COX7B2: variants seen among roughly 807,000 people sequenced by gnomAD.
COX7B2 encodes the protein cytochrome c oxidase subunit 7B2, also known as cytochrome c oxidase subunit 7B2, mitochondrial.
For missense variants in COX7B2, 109 were observed against 95.9 expected (o/e 1.14, Z -0.57); for synonymous variants, 37 against 32.1 (o/e 1.15, Z -0.51).
chr4:46,806,360 A>C (rs1030921431), intron 2 of COX7B2, among the ~76,000 whole-genome samples: 2 of 152,064 alleles, frequency 1.3e-5, no homozygotes, highest in Admixed American at 1.3e-4. Context: ...TAAAGTAAAA[A>C]AAAAACTTTT....
At chr4:46,795,445 A>C (rs1461570955) in intron 2 of COX7B2, among the ~76,000 whole-genome samples, 1 of 114,286 alleles carries the variant, frequency 8.7e-6, no homozygotes, top group African/African-American at 3.9e-5. Flanking sequence ...AGCACCATTT[A>C]TTAAATAGGG....
At chr4:46,886,772 G>A (rs1719108667) in intron 1 of COX7B2, among the ~76,000 whole-genome samples, 1 of 152,128 alleles carries the variant, frequency 6.6e-6, no homozygotes. Flanking sequence ...ACAGAAGTAA[G>A]CAGAATCTCA....
chr4:46,822,428 G>C (rs1714364427), intron 2 of COX7B2, among the ~76,000 whole-genome samples: 1 of 152,012 alleles, frequency 6.6e-6, no homozygotes, highest in South Asian at 2.1e-4. Context: ...GAGGGCTCTG[G>C]GGCACAGAGG....
At chr4:46,740,168 C>T (rs773999629) in intron 2 of COX7B2, among the ~76,000 whole-genome samples, 28 of 152,040 alleles carry the variant, frequency 1.8e-4, no homozygotes, top group Non-Finnish European at 2.8e-4. Context: ...AGAATGGATG[C>T]AGCTTTTATG....
intron 2 of COX7B2, among the ~76,000 whole-genome samples, chr4:46,817,854 C>T (rs1051789930): frequency 6.6e-6 from 1 of 152,176 alleles, no homozygotes; most frequent in African/African-American, 2.4e-5. Flanking sequence ...CTGAGACCCC[C>T]TTCAAGCATG....
chr4:46,823,784 AAAC>A (rs1207120110), intron 2 of COX7B2, among the ~76,000 whole-genome samples: 1 of 151,900 alleles, frequency 6.6e-6, no homozygotes, highest in Admixed American at 6.6e-5. Context: ...CTAAAGCAGA[AAAC>A]AACAGACAAA....
chr4:46,765,324 C>G (rs1577679269), intron 2 of COX7B2, among the ~76,000 whole-genome samples: 1 of 151,940 alleles, frequency 6.6e-6, no homozygotes, highest in East Asian at 1.9e-4. Flanking sequence ...CCATTGCAGG[C>G]GTAAGGAGAG....
In COX7B2 at chr4:46,845,913, A is replaced by G. The variant is rs149309377; in HGVS notation, c.-104-899T>C. 4.5e-3 allele frequency among the ~76,000 whole-genome samples: 680 copies of G among 152,088 alleles called. 6 individuals carry two copies. The highest frequency in any genetic ancestry group is 0.016 in the African/African-American group (659 of 41,518). On this transcript the variant is annotated intron_variant, in intron 1 of 2. Transcript: ENST00000355591. ...AGCAAAGTCAGAGGCAGTGGTGTTG[A>G]GGTTCTTTGTGGTCAATCTGACTAG...
At chr4:46,757,124 A>C (rs1460389841) in intron 2 of COX7B2, among the ~76,000 whole-genome samples, 2 of 152,154 alleles carry the variant, frequency 1.3e-5, no homozygotes, top group Non-Finnish European at 2.9e-5. Context: ...AATAATACTT[A>C]GTCATAAAAA....
chr4:46,794,299 T>A lies in COX7B2; in HGVS notation c.-50+50661A>T, dbSNP rs117572813. Among the ~76,000 whole-genome samples, 642 of 152,310 alleles carry A rather than the reference T, an allele frequency of 4.2e-3. 12 individuals carry two copies. Among genetic ancestry groups the A allele is most frequent in the Admixed American group, 0.033 (498 of 15,298 alleles). ...CAAAACAGAGATTCTGCATTTAATG[T>A]TGCAGTTCAGGGAGTTAGGAAGGAT... On this transcript the variant is annotated intron_variant, in intron 2 of 2. Coordinates refer to ENST00000355591, the MANE Select transcript of COX7B2 (RefSeq NM_130902.3).
chr4:46,835,981 G>A (rs1253666516), intron 2 of COX7B2, among the ~76,000 whole-genome samples: 2 of 152,086 alleles, frequency 1.3e-5, no homozygotes, highest in Admixed American at 1.3e-4. Context: ...CATAGAAAAG[G>A]TACAGTAAAA....
At chr4:46,744,288 C>A (rs889318073) in intron 2 of COX7B2, among the ~76,000 whole-genome samples, 1 of 152,162 alleles carries the variant, frequency 6.6e-6, no homozygotes, top group African/African-American at 2.4e-5. Context: ...TCATGATTAC[C>A]TCCTTAGGCC....
chr4:46,847,169 T>A (rs1328982040), intron 1 of COX7B2, among the ~76,000 whole-genome samples: 2 of 147,158 alleles, frequency 1.4e-5, no homozygotes, highest in African/African-American at 5.4e-5. Flanking sequence ...TATCCTCACC[T>A]TCTCGTGTTC....
chr4:46,756,140 G>A (rs904940647), intron 2 of COX7B2, among the ~76,000 whole-genome samples: 1 of 151,802 alleles, frequency 6.6e-6, no homozygotes, highest in African/African-American at 2.4e-5. Context: ...CAGAGAAGAG[G>A]ACCCAGAAAT....
intron 1 of COX7B2, among the ~76,000 whole-genome samples, chr4:46,889,517 G>A (rs748548425): frequency 2.6e-5 from 4 of 152,156 alleles, no homozygotes; most frequent in Non-Finnish European, 4.4e-5. Context: ...ATTGACAAAC[G>A]GGGAAGCAAG....
chr4:46,830,324 CAAAA>C (rs201868075), intron 2 of COX7B2, among the ~76,000 whole-genome samples: 2 of 82,150 alleles, frequency 2.4e-5, no homozygotes, highest in Non-Finnish European at 4.9e-5. Flanking sequence ...ACTCTGTCTC[CAAAA>C]AAAAAAAAAA....
chr4:46,740,360 T>C (rs1442812467), intron 2 of COX7B2, among the ~76,000 whole-genome samples: 8 of 152,126 alleles, frequency 5.3e-5, no homozygotes, highest in Admixed American at 5.2e-4. Context: ...ATTTGTTGTA[T>C]AGTTTGTTTC....
At chr4:46,846,939 A>G (rs923108243) in intron 1 of COX7B2, among the ~76,000 whole-genome samples, 15 of 151,958 alleles carry the variant, frequency 9.9e-5, no homozygotes, top group Non-Finnish European at 1.5e-4. Context: ...GGTGGGAAAT[A>G]ATTATTCTGG....
intron 2 of COX7B2, among the ~76,000 whole-genome samples, chr4:46,808,925 T>C (rs1288015804): frequency 6.6e-6 from 1 of 151,888 alleles, no homozygotes; most frequent in Non-Finnish European, 1.5e-5. Flanking sequence ...CTGGATTTGA[T>C]TTGCTAATAT....
Sources: allele counts gnomAD v4.1 joint callset (sites outside exome capture counted in the v4.1 genomes callset), GRCh38; gene constraint gnomAD v4.1.1; transcripts MANE v1.5; gene names NCBI Gene and HGNC (gene_info 2026-07-23, HGNC 2026-07-21).